Variants in CPT1C observed in about 807,000 individuals in gnomAD.
CPT1C encodes carnitine palmitoyltransferase 1C.
A neutral mutation model predicts 97.3 loss-of-function variants in CPT1C; 61 were observed. The ratio of observed to expected loss-of-function variants is 0.63; its 90% confidence interval spans 0.51 to 0.78. CPT1C has a LOEUF of 0.78. Ranked by LOEUF, CPT1C falls within the 30% of genes least tolerant of loss-of-function variation. CPT1C has a pLI of 0.00. For synonymous variants in CPT1C, 469 were observed against 447.2 expected (o/e 1.05, Z -0.61); for missense variants, 975 against 1,065.5 (o/e 0.92, Z 1.18).
Position 49,706,227 on chromosome 19 carries a change from C to A in CPT1C, c.1161-4C>A. On this transcript the variant is annotated splice_polypyrimidine_tract_variant and splice_region_variant and intron_variant, in intron 11 of 19. Coordinates refer to ENST00000598293, the MANE Select transcript of CPT1C (RefSeq NM_001199753.2). The surrounding 1 kb of genome is among the most constrained non-coding windows in gnomAD (Gnocchi z 4.8). The stretch of plus-strand genomic sequence containing the variant: ...TGGACTCAGGCACATCCCGGGCCCT[C>A]CAGGGGCACGTGGGCCCAGGTGCGG... The A allele has an allele frequency of 6.5e-7, 1 of 1,532,142 alleles. No individual in the cohort carries two copies. The highest frequency in any genetic ancestry group is 8.8e-7 in the Non-Finnish European group (1 of 1,141,446). 94.9% of individuals were successfully genotyped at this position (1,532,142 alleles called of 1,614,324 possible).
intron 3 of CPT1C, chr19:49,696,446 CTTTTCTTTTCTT>C (rs1167412712): frequency 2.2e-5 from 3 of 137,014 alleles, no homozygotes; most frequent in African/African-American, 9.3e-5. Flanking sequence ...TTTTCTTTTT[CTTTTCTTTTCTT>C]TTTTTTTTTT....
intron 3 of CPT1C, 140 bp downstream of exon 3, chr19:49,692,533 C>T: frequency 9.4e-7 from 1 of 1,064,894 alleles, no homozygotes; most frequent in Non-Finnish European, 1.3e-6. Context: ...GATGTCTGCT[C>T]CCAGGACCCC....
At chr19:49,691,751 C>T (rs1179747234) in intron 1 of CPT1C, 70 bp from the exon 2 acceptor site, 1 of 154,640 alleles carries the variant, frequency 6.5e-6, no homozygotes, top group African/African-American at 2.4e-5. Flanking sequence ...TGCCCCCGCA[C>T]CATGTTCTTG....
At chr19:49,710,140 G>A (rs768955065) in intron 14 of CPT1C, among the ~76,000 whole-genome samples, 180 bp from the exon 15 acceptor site, 11 of 152,148 alleles carry the variant, frequency 7.2e-5, no homozygotes, top group South Asian at 2.1e-4. Context: ...GCGCCACCAC[G>A]CCCAGCCCCT....
Position 49,707,531 on chromosome 19 carries a change from T to C in CPT1C, c.1357T>C (p.Ser453Pro). 1 of 1,613,628 alleles carries C rather than the reference T, an allele frequency of 6.2e-7. No homozygotes were observed. Among genetic ancestry groups the C allele is most frequent in the Non-Finnish European group, 8.5e-7 (1 of 1,179,716 alleles). The change falls in exon 13 of 20, where the codon TCC becomes CCC. Residue 453 changes from serine (S) to proline (P), a missense_variant. Around this residue, in one of 3 missense-constraint regions of CPT1C, gnomAD observed 35 missense variants for 66.6 expected, o/e 0.53. Coordinates refer to ENST00000598293, the MANE Select transcript of CPT1C (RefSeq NM_001199753.2). ...TCTCCCTGACAGCTGGTTTGACAAA[T>C]CCTTCACCCTAATCGTCTTCTCTAA... ...GRGHDRWFDK[S>P]FTLIVFSNGK...
chr19:49,701,299 G>A lies in CPT1C; in HGVS notation c.454-18G>A. 6.2e-7 allele frequency: 1 copy of A among 1,603,982 alleles called. No individual in the cohort carries two copies. The highest frequency in any genetic ancestry group is 8.5e-7 in the Non-Finnish European group (1 of 1,175,176). On this transcript the variant is annotated intron_variant, in intron 5 of 19. Coordinates refer to ENST00000598293, the MANE Select transcript of CPT1C (RefSeq NM_001199753.2). ...GCTCCGGTGAGGGGTTAATGACCCG[G>A]TAACTCCTCCTCCCCAGGCCCTGGT...
chr19:49,702,147 T>TTATTTATAAATTATAAATAAATATATATA (rs2083201447), intron 7 of CPT1C, among the ~76,000 whole-genome samples: 1 of 124,408 alleles, frequency 8.0e-6, no homozygotes, highest in South Asian at 2.3e-4. Context: ...AAATATATAT[T>TTATTTATAAATTATAAATAAATATATATA]TATTTATAAA....
In CPT1C at chr19:49,702,109, T is replaced by A. The variant is rs765725519; in HGVS notation, c.693+475T>A. ...TATATTTATTTATAAATTATAAATA[T>A]ATATTTATTTATTTATAAATTATAA... On this transcript the variant is annotated intron_variant, in intron 7 of 19. Coordinates refer to ENST00000598293, the MANE Select transcript of CPT1C (RefSeq NM_001199753.2). Among the ~76,000 whole-genome samples, 159 of 70,882 alleles carry A rather than the reference T, an allele frequency of 2.2e-3. 21 individuals carry two copies. Among genetic ancestry groups the A allele is most frequent in the African/African-American group, 8.9e-3 (94 of 10,614 alleles). 46.5% of individuals were successfully genotyped at this position (70,882 alleles called of 152,430 possible).
chr19:49,694,069 A>T (rs572324010), intron 3 of CPT1C, among the ~76,000 whole-genome samples: 115 of 138,730 alleles, frequency 8.3e-4, no homozygotes, highest in African/African-American at 2.5e-3. Context: ...CGTCTCAAAA[A>T]AAAATAAAAT....
rs1362109263 is a variant in CPT1C at position 49,706,032 on chromosome 19, A to G, written c.1088A>G (p.Gln363Arg). Reference protein sequence around the residue: ...LSPRALEQQFQRILDDPSPAC... With the variant: ...LSPRALEQQFRRILDDPSPAC... ...CCGAGAGCCCTGGAGCAGCAGTTTC[A>G]GAGAATCCTGGATGATCCCTCACCG... is the stretch of plus-strand genomic sequence containing the variant. The change falls in exon 11 of 20, where the codon CAG becomes CGG. Residue 363 changes from glutamine to arginine, a missense_variant. Physicochemically the swap from Gln to Arg is conservative, Grantham distance 43. Around this residue, in one of 3 missense-constraint regions of CPT1C, gnomAD observed 596 missense variants for 603.1 expected, o/e 0.99. Coordinates refer to ENST00000598293, the MANE Select transcript of CPT1C (RefSeq NM_001199753.2). This position sits in a 1 kb window ranked among gnomAD's most constrained non-coding sequence, Gnocchi z 4.8. The G allele has an allele frequency of 1.2e-6, 2 of 1,613,788 alleles. No homozygotes were observed. The highest frequency in any genetic ancestry group is 2.2e-5 in the East Asian group (1 of 44,876).
intron 2 of CPT1C, 87 bp from the exon 3 acceptor site, chr19:49,692,152 G>C (rs1385211632): frequency 5.6e-6 from 8 of 1,432,346 alleles, no homozygotes; most frequent in Non-Finnish European, 7.6e-6. Context: ...TCCTGGGTAT[G>C]AAGGAGGAGG....
chr19:49,701,367 G>T lies in CPT1C; in HGVS notation c.504G>T (p.Gln168His), dbSNP rs576383638. The change falls in exon 6 of 20, where the codon CAG becomes CAT. Residue 168 changes from glutamine to histidine, a missense_variant. Transcript: ENST00000598293. The part of the protein sequence containing the change: ...SGRHPMLFSY[Q>H]RSLPRQPVPS... ...GCCACCCGATGCTGTTCAGTTACCA[G>T]CGCTCCCTGCCACGCCAGCCCGTGC... 3 of 1,613,564 alleles carry T rather than the reference G, an allele frequency of 1.9e-6. No individual in the cohort carries two copies. The Admixed American group carries it at 5.0e-5, about 27-fold the overall frequency.
intron 7 of CPT1C, among the ~76,000 whole-genome samples, chr19:49,704,133 C>T (rs2083368368): frequency 6.6e-6 from 1 of 152,168 alleles, no homozygotes; most frequent in South Asian, 2.1e-4. Context: ...TATATTATTT[C>T]ACATATTTAT....
chr19:49,701,936 T>TATATATTTATA (rs2083108442), intron 7 of CPT1C, among the ~76,000 whole-genome samples: 2 of 74,166 alleles, frequency 2.7e-5, no homozygotes, highest in Non-Finnish European at 4.4e-5. Context: ...ATATTAATAT[T>TATATATTTATA]TATAAATTTA....
upstream of CPT1C, chr19:49,690,806 T>A: frequency 3.4e-6 from 1 of 290,080 alleles, no homozygotes; most frequent in Non-Finnish European, 6.4e-6. The surrounding 1 kb of genome is among the most constrained non-coding windows in gnomAD (Gnocchi z 4.4). Context: ...GTGAAAGGGC[T>A]GAGATTTGCT....
At chr19:49,699,158 C>T (rs536569543) in intron 4 of CPT1C, among the ~76,000 whole-genome samples, 50 of 151,858 alleles carry the variant, frequency 3.3e-4, no homozygotes, top group African/African-American at 1.2e-3. Context: ...GCCAGGAGGT[C>T]CTCATGGGAG....
Position 49,710,762 on chromosome 19 carries a change from A to G in CPT1C, c.1771A>G (p.Thr591Ala), listed in dbSNP as rs1600147305. 6.2e-7 allele frequency: 1 copy of G among 1,613,696 alleles called. No homozygotes were observed. Among genetic ancestry groups the G allele is most frequent in the Non-Finnish European group, 8.5e-7 (1 of 1,179,862 alleles). The change falls in exon 16 of 20, where the codon ACT becomes GCT. Residue 591 changes from threonine (T) to alanine (A), a missense_variant. Coordinates refer to ENST00000598293, the MANE Select transcript of CPT1C (RefSeq NM_001199753.2). ...QFCLTYESAM[T>A]RLFLEGRTET... The stretch of plus-strand genomic sequence containing the variant: ...CTGCCTGACTTATGAGTCGGCCATG[A>G]CTCGCTTATTCCTGGAAGGCCGGAC...
At position 49,702,638 on chromosome 19, in the gene CPT1C, GA is replaced by G. The variant is rs1161628448; in HGVS notation, c.693+1015del. 3.0e-4 allele frequency among the ~76,000 whole-genome samples: 43 copies of G among 143,136 alleles called. 1 individual carries two copies. The highest frequency in any genetic ancestry group is 8.3e-4 in the East Asian group (4 of 4,800). The allele number at this position is 143,136 out of a possible 152,430, so 93.9% of individuals were successfully genotyped here. ...CTGTCTCAAAAAAAAAAAAAGAAAA[GA>G]AAAAAAAAAAGACAAAACCAAAGGA... On this transcript the variant is annotated intron_variant, in intron 7 of 19. Transcript: ENST00000598293.
At chr19:49,701,879 A>AAT (rs1186142967) in intron 7 of CPT1C, among the ~76,000 whole-genome samples, 5 of 107,562 alleles carry the variant, frequency 4.6e-5, no homozygotes, top group Admixed American at 1.2e-4. Flanking sequence ...TGTATATATA[A>AAT]ATATATATAT....
Sources: allele counts gnomAD v4.1 joint callset (sites outside exome capture counted in the v4.1 genomes callset), GRCh38; gene constraint gnomAD v4.1.1; regional missense constraint gnomAD v4.1.1; non-coding constraint Gnocchi (gnomAD v3.1); transcripts MANE v1.5; gene names NCBI Gene and HGNC (gene_info 2026-07-23, HGNC 2026-07-21).